The following DNAJB6 variants were observed in gnomAD, a reference collection of about 807,000 sequenced individuals.
The protein encoded by DNAJB6 is DnaJ heat shock protein family (Hsp40) member B6.
In DNAJB6, 16 loss-of-function variants were observed where a neutral mutation model predicts 42.7. That is an observed-to-expected ratio of 0.37 (90% CI 0.25 to 0.57). The LOEUF is 0.57. DNAJB6 is among the 20% of genes least tolerant of loss of function. DNAJB6 has a pLI of 0.74. For synonymous variants in DNAJB6, 170 were observed against 163.5 expected (o/e 1.04, Z -0.30); for missense variants, 347 against 416.8 (o/e 0.83, Z 1.46).
intron 9 of DNAJB6, chr7:157,410,327 G>T (rs879417312): frequency 2.0e-6 from 1 of 500,826 alleles, no homozygotes; most frequent in East Asian, 3.5e-5. Flanking sequence ...AGCTTTCAGC[G>T]TAGAGCTTGA....
Position 157,340,891 on chromosome 7 carries a change from A to C in DNAJB6, c.-27+3747A>C, listed in dbSNP as rs150665715. Among the ~76,000 whole-genome samples the C allele has an allele frequency of 0.017, 2,647 of 151,764 alleles. 139 individuals carry two copies. In the East Asian group the frequency reaches 0.18, roughly 10 times the overall value. ...CATGTTGGTCAGGCTGGTCTCGAAC[A>C]CCTGACCTCAGGTGATCCCCTGCCT... On this transcript the variant is annotated intron_variant, in intron 1 of 9. Transcript: ENST00000262177.
At position 157,416,907 on chromosome 7, in the gene DNAJB6, G is replaced by A. The variant is rs188002105; in HGVS notation, c.*809G>A. The A allele has an allele frequency of 6.6e-5, 10 of 152,294 alleles. No individual in the cohort carries two copies. Among genetic ancestry groups the A allele is most frequent in the African/African-American group, 1.9e-4 (8 of 41,556 alleles). The allele number at this position is 152,294 out of a possible 1,614,324, so 9.4% of individuals were successfully genotyped here. On this transcript the variant is annotated 3_prime_UTR_variant, in exon 10 of 10. Coordinates refer to ENST00000262177, the MANE Select transcript of DNAJB6 (RefSeq NM_058246.4). The stretch of plus-strand genomic sequence containing the variant: ...GGAGGTTGAACTCATGTTTCAGTTC[G>A]CGAACATTGACTCCTTACGAAAGTC...
At chr7:157,408,996 C>A (rs1038288379) in intron 8 of DNAJB6, among the ~76,000 whole-genome samples, 1 of 152,244 alleles carries the variant, frequency 6.6e-6, no homozygotes, top group East Asian at 1.9e-4. Flanking sequence ...CGCACACTTG[C>A]TCCTGGAGCT....
intron 5 of DNAJB6, among the ~76,000 whole-genome samples, chr7:157,374,773 C>CT (rs1800388786): frequency 6.6e-6 from 1 of 152,214 alleles, no homozygotes; most frequent in African/African-American, 2.4e-5. Context: ...GGCTACCCCT[C>CT]TAAAAGGCTT....
chr7:157,364,475 T>C (rs1219818835), intron 3 of DNAJB6, among the ~76,000 whole-genome samples: 1 of 152,236 alleles, frequency 6.6e-6, no homozygotes, highest in Non-Finnish European at 1.5e-5. Context: ...AGAGAGGATC[T>C]TGCTATGTTT....
intron 9 of DNAJB6, chr7:157,412,043 C>T (rs1358249151): frequency 6.6e-6 from 1 of 152,124 alleles, no homozygotes; most frequent in African/African-American, 2.4e-5. Flanking sequence ...TTTTTTTAAT[C>T]GCTTCATGAG....
chr7:157,361,929 C>T (rs769574179), intron 2 of DNAJB6, among the ~76,000 whole-genome samples: 1 of 152,058 alleles, frequency 6.6e-6, no homozygotes, highest in Non-Finnish European at 1.5e-5. Context: ...CCTTCATGTC[C>T]GGCTTTTTGT....
intron 5 of DNAJB6, among the ~76,000 whole-genome samples, chr7:157,369,638 TTTCTTCACATTATTATTAAACAGGCCCC>T (rs1389087776): frequency 4.5e-5 from 6 of 132,344 alleles, no homozygotes; most frequent in South Asian, 2.2e-4. Context: ...AAAGAGGCCC[TTTCTTCACATTATTATTAAACAGGCCCC>T]TTCTTAACAT....
chr7:157,409,608 A>T (rs185665703), intron 8 of DNAJB6, among the ~76,000 whole-genome samples, 187 bp from the exon 9 acceptor site: 1 of 151,820 alleles, frequency 6.6e-6, no homozygotes, highest in Non-Finnish European at 1.5e-5. Flanking sequence ...CTTTTTTCCC[A>T]CTCTTGGAGG....
intron 8 of DNAJB6, among the ~76,000 whole-genome samples, chr7:157,387,082 A>G (rs899568443): frequency 6.6e-6 from 1 of 152,224 alleles, no homozygotes; most frequent in Admixed American, 6.5e-5. Flanking sequence ...CAAACAGCGT[A>G]GCGTGTTCCA....
chr7:157,379,306 T>G (rs941827920), intron 5 of DNAJB6: 1 of 151,882 alleles, frequency 6.6e-6, no homozygotes, highest in African/African-American at 2.4e-5. Flanking sequence ...CTTCTAAGGG[T>G]TTAGTTGCCA....
chr7:157,405,668 G>T (rs1795740058), intron 8 of DNAJB6, among the ~76,000 whole-genome samples: 1 of 152,238 alleles, frequency 6.6e-6, no homozygotes, highest in Non-Finnish European at 1.5e-5. Context: ...GACCTTGACA[G>T]ACCGCACCAG....
intron 4 of DNAJB6, 32 bp from the exon 5 acceptor site, chr7:157,367,341 C>T: frequency 6.9e-7 from 1 of 1,447,268 alleles, no homozygotes; most frequent in Non-Finnish European, 9.7e-7. Flanking sequence ...CACCAAAATT[C>T]ATAAACTAAA....
At position 157,341,122 on chromosome 7, in the gene DNAJB6, G is replaced by C. The variant is rs968478160; in HGVS notation, c.-27+3978G>C. ...CAAGTGTGAGCCAGGTGCCTGGCCA[G>C]ATTTTAGATTTTTTTGTTGTTGTTG... On this transcript the variant is annotated intron_variant, in intron 1 of 9. Coordinates refer to ENST00000262177, the MANE Select transcript of DNAJB6 (RefSeq NM_058246.4). 3.3e-5 allele frequency among the ~76,000 whole-genome samples: 5 copies of C among 152,032 alleles called. No individual in the cohort carries two copies. In the East Asian group the frequency reaches 7.8e-4, roughly 24 times the overall value.
At chr7:157,374,945 G>C (rs1223053291) in intron 5 of DNAJB6, among the ~76,000 whole-genome samples, 3 of 152,174 alleles carry the variant, frequency 2.0e-5, no homozygotes, top group Non-Finnish European at 4.4e-5. Flanking sequence ...TGTCAGTTTG[G>C]GTTTTCGCAT....
In DNAJB6 at chr7:157,363,208, A is replaced by C. The variant is rs763957260; in HGVS notation, c.113A>C (p.Asn38Thr). 6.2e-7 allele frequency: 1 copy of C among 1,611,798 alleles called. No individual in the cohort carries two copies. The highest frequency in any genetic ancestry group is 1.1e-5 in the South Asian group (1 of 90,290). The stretch of plus-strand genomic sequence containing the variant: ...TGGCATCCAGATAAAAATCCTGAGA[A>C]TAAAGAAGAAGCAGAGAGAAAATTC... ...LKWHPDKNPE[N>T]KEEAERKFKQ... Residue 38 changes from asparagine to threonine, a missense_variant, in exon 3 of 10, where the codon AAT (asparagine) becomes ACT (threonine). Coordinates refer to ENST00000262177, the MANE Select transcript of DNAJB6 (RefSeq NM_058246.4).
intron 5 of DNAJB6, among the ~76,000 whole-genome samples, chr7:157,375,167 G>GT (rs1194220463): frequency 6.6e-6 from 1 of 152,198 alleles, no homozygotes; most frequent in Non-Finnish European, 1.5e-5. Flanking sequence ...TTTATAGGCA[G>GT]TATGATAGTG....
intron 2 of DNAJB6, among the ~76,000 whole-genome samples, chr7:157,359,543 G>A (rs905687115): frequency 3.9e-5 from 6 of 152,030 alleles, no homozygotes; most frequent in Non-Finnish European, 7.4e-5. Flanking sequence ...GCTAAATTAC[G>A]GCCAGGCAAG....
chr7:157,391,377 A>T (rs1267573354), intron 8 of DNAJB6, among the ~76,000 whole-genome samples: 1 of 152,230 alleles, frequency 6.6e-6, no homozygotes, highest in East Asian at 1.9e-4. Flanking sequence ...CAGCTGCAGA[A>T]CTTGAACGAG....
Sources: gnomAD v4.1 joint callset for allele counts (sites outside exome capture counted in the v4.1 genomes callset) on GRCh38, gnomAD v4.1.1 for gene constraint, MANE v1.5 for transcripts, NCBI Gene and HGNC (gene_info 2026-07-23, HGNC 2026-07-21) for gene names.